RABGEF1: variants seen among roughly 807,000 people sequenced by gnomAD.
RABGEF1 encodes the protein rab5 GDP/GTP exchange factor.
RABGEF1 carries 26 observed loss-of-function variants against 57.3 expected under a neutral mutation model. The ratio of observed to expected loss-of-function variants is 0.45; its 90% CI spans 0.33 to 0.63. The LOEUF is 0.63. Ranked by LOEUF, RABGEF1 falls within the 20% of genes least tolerant of loss-of-function variation. The pLI is 0.02. For missense variants in RABGEF1, 464 were observed against 607.6 expected (o/e 0.76, Z 2.48); for synonymous variants, 185 against 210.7 (o/e 0.88, Z 1.06).
chr7:66,680,510 C>T (rs1352065339), upstream of RABGEF1, among the ~76,000 whole-genome samples: 1 of 152,110 alleles, frequency 6.6e-6, no homozygotes, highest in Non-Finnish European at 1.5e-5. Context: ...TCCCAAAGTG[C>T]TGGGATTACA....
upstream of RABGEF1, among the ~76,000 whole-genome samples, chr7:66,738,582 A>G (rs920499160): frequency 6.6e-6 from 1 of 151,736 alleles, no homozygotes; most frequent in African/African-American, 2.4e-5. Context: ...AACCCCAAAA[A>G]CTAGCTGGGT....
chr7:66,777,548 T>G (rs1808834764), intron 3 of RABGEF1, among the ~76,000 whole-genome samples: 1 of 152,128 alleles, frequency 6.6e-6, no homozygotes, highest in Non-Finnish European at 1.5e-5. Flanking sequence ...TAAAAACCTG[T>G]GTCCCAAAAG....
chr7:66,718,694 G>A (rs1795675479), intron 2 of RABGEF1, among the ~76,000 whole-genome samples: 1 of 152,184 alleles, frequency 6.6e-6, no homozygotes, highest in South Asian at 2.1e-4. Flanking sequence ...TCCTGAGTAT[G>A]TACCACGCAG....
At chr7:66,696,075 AT>A (rs938527751) in intron 1 of RABGEF1, among the ~76,000 whole-genome samples, 27 of 151,088 alleles carry the variant, frequency 1.8e-4, no homozygotes, top group African/African-American at 6.3e-4. Flanking sequence ...ATATATATAT[AT>A]TTTTTTCTTG....
intron 2 of RABGEF1, among the ~76,000 whole-genome samples, chr7:66,714,513 A>C (rs1331373588): frequency 6.6e-6 from 1 of 152,098 alleles, no homozygotes; most frequent in Non-Finnish European, 1.5e-5. Flanking sequence ...ACATCTTTTC[A>C]AAGAATCAGC....
intron 1 of RABGEF1, among the ~76,000 whole-genome samples, chr7:66,743,328 T>TAAAA (rs1165345920): frequency 7.0e-6 from 1 of 142,656 alleles, no homozygotes; most frequent in African/African-American, 2.6e-5. Context: ...GAAAAAAATT[T>TAAAA]AAAAAAAAAA....
the RABGEF1 span, among the ~76,000 whole-genome samples, chr7:66,676,313 A>C: frequency 6.6e-6 from 1 of 152,032 alleles, no homozygotes; most frequent in Non-Finnish European, 1.5e-5. Context: ...CTTGATTTGC[A>C]AATAGAATCA....
Position 66,765,709 on chromosome 7 carries a change from A to G in RABGEF1, c.-17-6174A>G, listed in dbSNP as rs539768612. On this transcript the variant is annotated intron_variant, in intron 1 of 8. Coordinates refer to ENST00000284957, the MANE Select transcript of RABGEF1 (RefSeq NM_014504.3). The stretch of plus-strand genomic sequence containing the variant: ...ATGTCACACAGCTCCATCATTCAAG[A>G]GAACAGCCCCGACTTAGTCCCATTT... 9.2e-5 allele frequency among the ~76,000 whole-genome samples: 14 copies of G among 152,212 alleles called. 1 individual carries two copies. Among genetic ancestry groups the G allele is most frequent in the Non-Finnish European group, 1.8e-4 (12 of 68,034 alleles).
chr7:66,694,965 G>A (rs1792098761), intron 1 of RABGEF1, among the ~76,000 whole-genome samples: 1 of 152,174 alleles, frequency 6.6e-6, no homozygotes, highest in Non-Finnish European at 1.5e-5. Context: ...CGAGGCTGGT[G>A]ACCCAGGGAG....
intron 2 of RABGEF1, among the ~76,000 whole-genome samples, chr7:66,720,480 G>C (rs541025115): frequency 6.7e-6 from 1 of 149,542 alleles, no homozygotes; most frequent in South Asian, 2.1e-4. Flanking sequence ...TTACAGGCAC[G>C]AGCTACTGTG....
intron 2 of RABGEF1, among the ~76,000 whole-genome samples, chr7:66,720,198 T>TA (rs1562734014): frequency 6.1e-4 from 82 of 134,142 alleles, no homozygotes; most frequent in African/African-American, 2.0e-3. Flanking sequence ...ATTATTATTT[T>TA]TTTTTTTTTT....
At chr7:66,674,536 C>G in the RABGEF1 span, among the ~76,000 whole-genome samples, 2 of 151,932 alleles carry the variant, frequency 1.3e-5, no homozygotes, top group Non-Finnish European at 2.9e-5. Context: ...CATAATAGCC[C>G]AAAACTGGAA....
chr7:66,680,627 T>C (rs1178837071), upstream of RABGEF1, among the ~76,000 whole-genome samples: 1 of 151,342 alleles, frequency 6.6e-6, no homozygotes, highest in East Asian at 2.0e-4. Flanking sequence ...AATCAATTAA[T>C]CTCCACTTTA....
At chr7:66,709,078 C>T (rs534067560) in intron 1 of RABGEF1, among the ~76,000 whole-genome samples, 56 of 151,618 alleles carry the variant, frequency 3.7e-4, no homozygotes, top group Admixed American at 7.2e-4. Context: ...AGCGCAATGG[C>T]ACAATCTCGG....
intron 1 of RABGEF1, among the ~76,000 whole-genome samples, chr7:66,761,123 C>A (rs887878064): frequency 3.3e-5 from 5 of 152,174 alleles, no homozygotes; most frequent in African/African-American, 1.2e-4. Flanking sequence ...GCTCACGCCA[C>A]AGGAATCATC....
chr7:66,768,683 A>G (rs1806345738), intron 1 of RABGEF1: 1 of 152,164 alleles, frequency 6.6e-6, no homozygotes, highest in Non-Finnish European at 1.5e-5. Flanking sequence ...ATTAGTTCCA[A>G]TTTGGAAGCC....
intron 7 of RABGEF1, among the ~76,000 whole-genome samples, chr7:66,803,886 C>T (rs1458275203): frequency 2.8e-5 from 4 of 144,298 alleles, no homozygotes; most frequent in Non-Finnish European, 4.5e-5. Flanking sequence ...GAGATGCTGT[C>T]TCAAAAAAAA....
upstream of RABGEF1, among the ~76,000 whole-genome samples, chr7:66,681,661 C>G (rs1437284833): frequency 6.6e-6 from 1 of 152,184 alleles, no homozygotes; most frequent in African/African-American, 2.4e-5. Flanking sequence ...GCCTGGGCCT[C>G]CTAAAGATTC....
chr7:66,691,908 T>A (rs1791569581), intron 1 of RABGEF1, among the ~76,000 whole-genome samples: 3 of 151,330 alleles, frequency 2.0e-5, no homozygotes, highest in Admixed American at 6.6e-5. Flanking sequence ...AAAAAAAAAA[T>A]TAGTAAAGTG....
Sources: gnomAD v4.1 joint callset for allele counts (sites outside exome capture counted in the v4.1 genomes callset) on GRCh38, gnomAD v4.1.1 for gene constraint, MANE v1.5 for transcripts, NCBI Gene and HGNC (gene_info 2026-07-23, HGNC 2026-07-21) for gene names.